The following KCNB2 variants were observed in gnomAD, a reference collection of about 807,000 sequenced individuals.
The protein encoded by KCNB2 is potassium voltage-gated channel subfamily B member 2.
Under a neutral mutation model 61.5 loss-of-function variants are expected in KCNB2, and 15 were observed. The ratio of observed to expected loss-of-function variants is 0.24; its 90% CI spans 0.16 to 0.38. The LOEUF (loss-of-function observed/expected upper bound fraction) is 0.38, where lower values mean the gene tolerates loss of function less well. Ranked by LOEUF, KCNB2 falls within the 10% of genes least tolerant of loss-of-function variation. The probability of loss-of-function intolerance (pLI) is 1.00; values close to 1 mark genes in which losing one functional copy is unlikely to be tolerated. For synonymous variants in KCNB2, 457 were observed against 446.0 expected (o/e 1.02, Z -0.31); for missense variants, 828 against 1,125.2 (o/e 0.74, Z 3.78).
intron 1 of KCNB2, among the ~76,000 whole-genome samples, chr8:72,549,061 T>G (rs533429591): frequency 3.3e-5 from 5 of 152,308 alleles, no homozygotes; most frequent in South Asian, 4.1e-4. Flanking sequence ...GTTTCAATCG[T>G]TTTTTAATAC....
chr8:72,588,406 G>A (rs564993464), intron 2 of KCNB2, among the ~76,000 whole-genome samples: 2 of 151,880 alleles, frequency 1.3e-5, no homozygotes, highest in Admixed American at 6.6e-5. Context: ...TAGTAGAGAC[G>A]GGGTTTTTCC....
intron 2 of KCNB2, among the ~76,000 whole-genome samples, chr8:72,604,104 T>C (rs1202525082): frequency 6.6e-6 from 1 of 152,160 alleles, no homozygotes; most frequent in Non-Finnish European, 1.5e-5. Context: ...AAGAAATTAA[T>C]AAATGAGCTG....
intron 2 of KCNB2, among the ~76,000 whole-genome samples, chr8:72,826,351 G>A (rs1809595975): frequency 6.6e-6 from 1 of 152,136 alleles, no homozygotes; most frequent in Non-Finnish European, 1.5e-5. Flanking sequence ...AGGTCTACAT[G>A]TTGGTGTTTT....
rs180706319 is a variant in KCNB2 at position 72,829,431 on chromosome 8, G to C, written c.580-106504G>C. Among the ~76,000 whole-genome samples, 228 of 152,322 alleles carry C rather than the reference G, an allele frequency of 1.5e-3. 1 individual carries two copies. Among genetic ancestry groups the C allele is most frequent in the African/African-American group, 5.1e-3 (210 of 41,566 alleles). On this transcript the variant is annotated intron_variant, in intron 2 of 2. Coordinates refer to ENST00000523207, the MANE Select transcript of KCNB2 (RefSeq NM_004770.3). Reference sequence around the variant, plus strand: ...TGTCAGAAAGTTGTTCTTTGATTCAGTGATAAGACAGCTTCTGTATAAAGA... The same window carrying C: ...TGTCAGAAAGTTGTTCTTTGATTCACTGATAAGACAGCTTCTGTATAAAGA...
At chr8:72,628,411 G>T (rs950185892) in intron 2 of KCNB2, among the ~76,000 whole-genome samples, 3 of 99,404 alleles carry the variant, frequency 3.0e-5, no homozygotes, top group African/African-American at 1.3e-4. Context: ...GTGTGTGTGT[G>T]TGTGTGTGTG....
At chr8:72,924,945 G>A (rs1658643574) in intron 2 of KCNB2, among the ~76,000 whole-genome samples, 1 of 152,128 alleles carries the variant, frequency 6.6e-6, no homozygotes, top group African/African-American at 2.4e-5. Context: ...GCTGGATTTG[G>A]CTCCTATCTG....
chr8:72,753,126 G>A (rs752189555), intron 2 of KCNB2, among the ~76,000 whole-genome samples: 4 of 152,192 alleles, frequency 2.6e-5, no homozygotes, highest in Non-Finnish European at 5.9e-5. Context: ...GAGGTATCTG[G>A]ATAGCAAACC....
At chr8:72,619,785 CA>C in intron 2 of KCNB2, among the ~76,000 whole-genome samples, 1 of 152,142 alleles carries the variant, frequency 6.6e-6, no homozygotes, top group East Asian at 1.9e-4. Flanking sequence ...CTTCAGGTAA[CA>C]AAATAATCTT....
chr8:72,889,982 A>G (rs931600911), intron 2 of KCNB2, among the ~76,000 whole-genome samples: 1 of 152,044 alleles, frequency 6.6e-6, no homozygotes, highest in Non-Finnish European at 1.5e-5. Flanking sequence ...CCTGACCTCA[A>G]ATGATCCACC....
At chr8:72,784,807 G>C (rs1016104053) in intron 2 of KCNB2, among the ~76,000 whole-genome samples, 1 of 152,162 alleles carries the variant, frequency 6.6e-6, no homozygotes, top group Non-Finnish European at 1.5e-5. Context: ...TCTTCCAGGA[G>C]ACAGGGATCT....
intron 2 of KCNB2, among the ~76,000 whole-genome samples, chr8:72,771,130 C>T (rs2255832): frequency 0.37 from 56,387 of 152,060 alleles, 11,148 homozygotes; most frequent in African/African-American, 0.52. Flanking sequence ...GCAATTACTA[C>T]ACCAGATATG....
chr8:72,894,291 T>C (rs1332983889), intron 2 of KCNB2, among the ~76,000 whole-genome samples: 1 of 151,946 alleles, frequency 6.6e-6, no homozygotes, highest in African/African-American at 2.4e-5. Context: ...GTGTAGCTGG[T>C]GATCACTGGT....
intron 2 of KCNB2, among the ~76,000 whole-genome samples, chr8:72,896,435 T>G (rs1805990008): frequency 6.6e-6 from 1 of 152,168 alleles, no homozygotes; most frequent in Non-Finnish European, 1.5e-5. Flanking sequence ...ATTTCATGAA[T>G]TAGTAAATGA....
intron 2 of KCNB2, among the ~76,000 whole-genome samples, chr8:72,631,251 C>A (rs765807974): frequency 4.6e-5 from 7 of 152,092 alleles, no homozygotes; most frequent in Non-Finnish European, 5.9e-5. Context: ...AAACTAAGAG[C>A]CTTAAGCAAC....
intron 2 of KCNB2, among the ~76,000 whole-genome samples, chr8:72,661,738 G>T (rs1806384442): frequency 6.6e-6 from 1 of 152,144 alleles, no homozygotes; most frequent in Non-Finnish European, 1.5e-5. Flanking sequence ...TTGGATGTGT[G>T]TTGATGCATC....
intron 2 of KCNB2, among the ~76,000 whole-genome samples, chr8:72,672,293 C>G (rs1329223230): frequency 6.6e-6 from 1 of 152,136 alleles, no homozygotes; most frequent in East Asian, 1.9e-4. Context: ...TAGAATTTCT[C>G]TATTTAGAAA....
At chr8:72,884,096 G>T (rs1011051728) in intron 2 of KCNB2, among the ~76,000 whole-genome samples, 1 of 152,094 alleles carries the variant, frequency 6.6e-6, no homozygotes, top group Non-Finnish European at 1.5e-5. Context: ...CATTGTCGAG[G>T]CTTCTAATTT....
intron 2 of KCNB2, among the ~76,000 whole-genome samples, chr8:72,652,858 T>C (rs1228928449): frequency 6.6e-6 from 1 of 152,116 alleles, no homozygotes; most frequent in Non-Finnish European, 1.5e-5. Flanking sequence ...TGGCTCAAAA[T>C]AACAGGAATT....
intron 2 of KCNB2, among the ~76,000 whole-genome samples, chr8:72,628,825 G>A (rs1805835368): frequency 6.6e-6 from 1 of 152,164 alleles, no homozygotes; most frequent in South Asian, 2.1e-4. Context: ...TGAGGTTAAG[G>A]CCTTGGCCTG....
Sources: allele counts gnomAD v4.1 joint callset (sites outside exome capture counted in the v4.1 genomes callset), GRCh38; gene constraint gnomAD v4.1.1; transcripts MANE v1.5; gene names NCBI Gene and HGNC (gene_info 2026-07-23, HGNC 2026-07-21).